The following CACNA1B variants were observed in gnomAD, a reference collection of about 807,000 sequenced individuals.
The protein encoded by CACNA1B is voltage-dependent N-type calcium channel subunit alpha-1B.
In CACNA1B, 70 loss-of-function variants were observed where a neutral mutation model predicts 247.2. That is an observed-to-expected ratio of 0.28 (90% CI 0.23 to 0.35). The LOEUF is 0.35. CACNA1B is among the 10% of genes least tolerant of loss of function. The pLI is 1.00. For missense variants in CACNA1B, 2,367 were observed against 3,197.4 expected, an observed-to-expected ratio of 0.74 and a Z score of 6.26; for synonymous variants, 1,231 against 1,294.4, an observed-to-expected ratio of 0.95 and a Z score of 1.05.
At chr9:137,935,085 A>G (rs1305140736) in intron 6 of CACNA1B, among the ~76,000 whole-genome samples, 1 of 152,218 alleles carries the variant, frequency 6.6e-6, no homozygotes, top group Non-Finnish European at 1.5e-5. Context: ...AAATGATACG[A>G]GAAATGAGGG....
intron 5 of CACNA1B, among the ~76,000 whole-genome samples, chr9:137,915,353 C>T (rs1025609165): frequency 6.6e-6 from 1 of 152,140 alleles, no homozygotes; most frequent in East Asian, 1.9e-4. Context: ...GATCTCAATC[C>T]AGCAGAGGTG....
chr9:138,013,330 C>A, intron 18 of CACNA1B, 95 bp downstream of exon 18: 1 of 837,418 alleles, frequency 1.2e-6, no homozygotes, highest in Non-Finnish European at 1.8e-6. Flanking sequence ...CAGAGGCTTC[C>A]TCAGAGGGCC....
chr9:137,947,309 G>A lies in CACNA1B; in HGVS notation c.967-4965G>A, dbSNP rs544851543. Among the ~76,000 whole-genome samples the A allele has an allele frequency of 4.7e-4, 71 of 152,266 alleles. No homozygotes were observed. In the South Asian group the frequency reaches 0.014, roughly 30 times the overall value. ...CTGTGACACAGTGGAAGGGGGGTGG[G>A]CCGCAAAGGGAGTAGCTGCTGTTCT... is the stretch of plus-strand genomic sequence containing the variant. On this transcript the variant is annotated intron_variant, in intron 6 of 46. Coordinates refer to ENST00000371372, the MANE Select transcript of CACNA1B (RefSeq NM_000718.4).
chr9:137,927,650 G>A, intron 6 of CACNA1B, among the ~76,000 whole-genome samples: 1 of 152,196 alleles, frequency 6.6e-6, no homozygotes, highest in East Asian at 1.9e-4. Context: ...TCAGCATTAT[G>A]TTGAGTAAGA....
In CACNA1B at chr9:137,882,625, T is replaced by G. The variant is rs1588974155; in HGVS notation, c.391-119T>G. 5 of 1,166,740 alleles carry G rather than the reference T, an allele frequency of 4.3e-6. No individual in the cohort carries two copies. The highest frequency in any genetic ancestry group is 6.2e-6 in the Non-Finnish European group (5 of 811,234). The allele number at this position is 1,166,740 out of a possible 1,614,324, so 72.3% of individuals were successfully genotyped here. A position where few individuals can be genotyped will look rare whatever the true frequency, so the allele number is the denominator to read the frequency against. On this transcript the variant is annotated intron_variant, in intron 2 of 46. Transcript: ENST00000371372. This position sits in a 1 kb window ranked among gnomAD's most constrained non-coding sequence, Gnocchi z 4.0. ...GGTGTTGGGGGCAAGGTGAGGAGGG[T>G]CAGACCCTCACGATAGCTGTGGCCT...
intron 3 of CACNA1B, among the ~76,000 whole-genome samples, chr9:137,892,847 A>G (rs575944110): frequency 2.0e-5 from 3 of 152,376 alleles, no homozygotes; most frequent in South Asian, 4.1e-4. Flanking sequence ...CACTGCAGGC[A>G]GACAGGCAGA....
At chr9:138,103,667 CAA>C (rs998519493) in intron 38 of CACNA1B, among the ~76,000 whole-genome samples, 2 of 152,248 alleles carry the variant, frequency 1.3e-5, no homozygotes, top group Non-Finnish European at 2.9e-5. Context: ...CCCACCTACT[CAA>C]GAGCCCTCCT....
At chr9:138,104,807 C>T (rs1344629281) in intron 38 of CACNA1B, among the ~76,000 whole-genome samples, 8 of 152,244 alleles carry the variant, frequency 5.3e-5, no homozygotes, top group African/African-American at 1.7e-4. Flanking sequence ...TCCCCACGCT[C>T]AAAATATTCC....
At chr9:138,106,644 G>T (rs1310740696) in intron 39 of CACNA1B, among the ~76,000 whole-genome samples, 1 of 152,180 alleles carries the variant, frequency 6.6e-6, no homozygotes, top group Non-Finnish European at 1.5e-5. Context: ...GGTGGCACGT[G>T]CCTGTATTCC....
chr9:137,972,003 G>A (rs2133365917), intron 11 of CACNA1B, among the ~76,000 whole-genome samples: 1 of 152,258 alleles, frequency 6.6e-6, no homozygotes, highest in East Asian at 1.9e-4. Flanking sequence ...CCACCACGTG[G>A]CTGCTGATTC....
In CACNA1B at chr9:138,072,202, C is replaced by G. The variant is rs2133534050; in HGVS notation, c.4675-1286C>G. On this transcript the variant is annotated intron_variant, in intron 32 of 46. Transcript: ENST00000371372. The surrounding 1 kb of genome is among the most constrained non-coding windows in gnomAD (Gnocchi z 4.5). The stretch of plus-strand genomic sequence containing the variant: ...TGGATATCATTCAAAACCAGTCCTG[C>G]TCCCACAGTTGCAGCATCCCGCCTG... Among the ~76,000 whole-genome samples the G allele has an allele frequency of 6.6e-6, 1 of 152,350 alleles. No individual in the cohort carries two copies. The highest frequency in any genetic ancestry group is 1.9e-4 in the East Asian group (1 of 5,174).
In CACNA1B at chr9:138,057,303, G is replaced by A. The variant is rs1959546807; in HGVS notation, c.3969-429G>A. Among the ~76,000 whole-genome samples the A allele has an allele frequency of 6.6e-6, 1 of 152,092 alleles. No homozygotes were observed. Among genetic ancestry groups the A allele is most frequent in the Non-Finnish European group, 1.5e-5 (1 of 68,012 alleles). ...AACTCCCTTATCAGACAGAGGATTA[G>A]GAAATAAGTATTTTTCCCATTCTGT... On this transcript the variant is annotated intron_variant, in intron 26 of 46. Coordinates refer to ENST00000371372, the MANE Select transcript of CACNA1B (RefSeq NM_000718.4). The surrounding 1 kb of genome is among the most constrained non-coding windows in gnomAD (Gnocchi z 4.0).
At chr9:138,004,335 C>T (rs954970149) in intron 15 of CACNA1B, among the ~76,000 whole-genome samples, 2 of 151,802 alleles carry the variant, frequency 1.3e-5, no homozygotes, top group African/African-American at 4.8e-5. Context: ...ATTGCTTGAG[C>T]CCAGGGGTTC....
At chr9:138,088,678 G>A (rs1159409558) in intron 36 of CACNA1B, among the ~76,000 whole-genome samples, 1 of 151,774 alleles carries the variant, frequency 6.6e-6, no homozygotes, top group Non-Finnish European at 1.5e-5. Flanking sequence ...CCATCGGCCG[G>A]GCATGGTGGC....
intron 15 of CACNA1B, among the ~76,000 whole-genome samples, chr9:138,006,009 C>T (rs1228682143): frequency 1.5e-4 from 21 of 140,774 alleles, no homozygotes; most frequent in African/African-American, 2.8e-5. Context: ...CACCACTGCA[C>T]TCCAGCCTGG....
At chr9:137,918,582 C>T (rs528220719) in intron 6 of CACNA1B, among the ~76,000 whole-genome samples, 1 of 152,112 alleles carries the variant, frequency 6.6e-6, no homozygotes, top group East Asian at 1.9e-4. Flanking sequence ...GAAGCTTGGT[C>T]CACGTGTGCC....
Position 137,913,265 on chromosome 9 carries a change from A to G in CACNA1B, c.616A>G (p.Ile206Val). ...VLRPLKLVSG[I>V]PSLQVVLKSI... ...GAGGCCCCTGAAGCTGGTGTCTGGG[A>G]TTCCAAGTGAGTCCAGCGAAGACAG... The change falls in exon 4 of 47, where the codon ATT becomes GTT. Residue 206 changes from isoleucine (I) to valine (V), a missense_variant. Coordinates refer to ENST00000371372, the MANE Select transcript of CACNA1B (RefSeq NM_000718.4). The surrounding 1 kb of genome is among the most constrained non-coding windows in gnomAD (Gnocchi z 5.2). The G allele has an allele frequency of 6.2e-7, 1 of 1,613,214 alleles. No individual in the cohort carries two copies. The highest frequency in any genetic ancestry group is 8.5e-7 in the Non-Finnish European group (1 of 1,179,324).
chr9:137,949,111 C>CACT (rs1564203169), intron 6 of CACNA1B, among the ~76,000 whole-genome samples: 7 of 1,502 alleles, frequency 4.7e-3, no homozygotes, highest in African/African-American at 9.4e-3. Context: ...TTTGTGGTGG[C>CACT]TGTGTGTCCA....
At chr9:137,879,224 G>C in intron 2 of CACNA1B, 65 bp downstream of exon 2, 2 of 1,050,936 alleles carry the variant, frequency 1.9e-6, no homozygotes, top group Non-Finnish European at 2.9e-6. Context: ...TTCCTTTATG[G>C]TCTGTGCCTG....
Sources: allele counts gnomAD v4.1 joint callset (sites outside exome capture counted in the v4.1 genomes callset), GRCh38; gene constraint gnomAD v4.1.1; non-coding constraint Gnocchi (gnomAD v3.1); transcripts MANE v1.5; gene names NCBI Gene and HGNC (gene_info 2026-07-23, HGNC 2026-07-21).